ACLY: variants seen among roughly 807,000 people sequenced by gnomAD.
The protein encoded by ACLY is ATP-citrate synthase.
ACLY carries 41 observed loss-of-function variants against 133.0 expected under a neutral mutation model. That is an observed-to-expected ratio of 0.31 (90% CI 0.24 to 0.40). The LOEUF (loss-of-function observed/expected upper bound fraction) is 0.40, where lower values mean the gene tolerates loss of function less well. Ranked by LOEUF, ACLY falls within the 10% of genes least tolerant of loss-of-function variation. The pLI is 1.00. For missense variants in ACLY, 1,046 were observed against 1,453.8 expected (o/e 0.72, Z 4.56); for synonymous variants, 495 against 549.3 (o/e 0.90, Z 1.38).
At chr17:41,875,538 C>T (rs1331691525) in intron 22 of ACLY, among the ~76,000 whole-genome samples, 1 of 152,124 alleles carries the variant, frequency 6.6e-6, no homozygotes, top group Non-Finnish European at 1.5e-5. Flanking sequence ...CTGCAACCTC[C>T]CTGCCTGATT....
intron 20 of ACLY, among the ~76,000 whole-genome samples, chr17:41,879,235 A>G (rs1483544221): frequency 6.6e-6 from 1 of 151,920 alleles, no homozygotes; most frequent in Admixed American, 6.6e-5. Context: ...CCACCCGAGT[A>G]GCTAGGATTA....
At chr17:41,915,026 AC>A (rs1555634287) in intron 1 of ACLY, among the ~76,000 whole-genome samples, 2 of 152,194 alleles carry the variant, frequency 1.3e-5, no homozygotes, top group African/African-American at 4.8e-5. Flanking sequence ...CAAGGTTATG[AC>A]CCAAGACTCG....
At chr17:41,919,126 C>A, upstream of ACLY, 1 of 1,136,780 alleles carries the variant, frequency 8.8e-7, no homozygotes, top group Non-Finnish European at 1.1e-6. Context: ...GGGCGGGCCC[C>A]GGGGCCTGCT....
chr17:41,894,031 C>T (rs1555629895), intron 14 of ACLY, among the ~76,000 whole-genome samples: 5 of 151,816 alleles, frequency 3.3e-5, no homozygotes, highest in Non-Finnish European at 7.4e-5. Context: ...CTGGCCAACG[C>T]GGTGAAACGC....
At chr17:41,920,180 G>A (rs2050160022), upstream of ACLY, among the ~76,000 whole-genome samples, 1 of 152,232 alleles carries the variant, frequency 6.6e-6, no homozygotes, top group African/African-American at 2.4e-5. Flanking sequence ...GCTGCCAGGA[G>A]TAAGGTAACT....
At chr17:41,899,145 G>A (rs1229139872) in intron 11 of ACLY, among the ~76,000 whole-genome samples, 3 of 152,036 alleles carry the variant, frequency 2.0e-5, no homozygotes, top group Admixed American at 6.6e-5. Flanking sequence ...GCGTGGTGGC[G>A]TGTGCCTGTA....
chr17:41,915,465 T>C (rs1175231368), intron 1 of ACLY, among the ~76,000 whole-genome samples: 4 of 152,188 alleles, frequency 2.6e-5, no homozygotes, highest in Admixed American at 6.5e-5. Context: ...AGGGGCTACA[T>C]TGCGCCCCCT....
chr17:41,869,603 A>G lies in ACLY; in HGVS notation c.2938-16T>C. 1 of 1,596,460 alleles carries G rather than the reference A, an allele frequency of 6.3e-7. No homozygotes were observed. Among genetic ancestry groups the G allele is most frequent in the Non-Finnish European group, 8.6e-7 (1 of 1,163,912 alleles). The stretch of plus-strand genomic sequence containing the variant: ...GGTTGTTTATCTAGAAATGAACCCA[A>G]CGGTACAGAGGAACACTCACACACT... On this transcript the variant is annotated splice_polypyrimidine_tract_variant and intron_variant, in intron 25 of 28. Transcript: ENST00000352035.
chr17:41,867,715 TA>T lies in ACLY; in HGVS notation c.*94del. The stretch of plus-strand genomic sequence containing the variant: ...GGCTGTTTACATTCCAGGCCCCTGC[TA>T]AATAAAGCAGGCTCCACTGCCAGCT... On this transcript the variant is annotated 3_prime_UTR_variant, in exon 29 of 29. Coordinates refer to ENST00000352035, the MANE Select transcript of ACLY (RefSeq NM_001096.3). 1.0e-6 allele frequency: 1 copy of T among 994,694 alleles called. No homozygotes were observed. Among genetic ancestry groups the T allele is most frequent in the Non-Finnish European group, 1.5e-6 (1 of 677,680 alleles). 61.6% of individuals were successfully genotyped at this position (994,694 alleles called of 1,614,324 possible).
intron 22 of ACLY, among the ~76,000 whole-genome samples, chr17:41,874,234 C>T (rs2048671752): frequency 6.6e-6 from 1 of 152,234 alleles, no homozygotes; most frequent in Non-Finnish European, 1.5e-5. Flanking sequence ...TGAGCATTTG[C>T]TGGGCTAGGA....
intron 1 of ACLY, among the ~76,000 whole-genome samples, chr17:41,929,261 A>G (rs1555636349): frequency 6.6e-6 from 1 of 151,760 alleles, no homozygotes; most frequent in East Asian, 1.9e-4. Context: ...CACCCAGCTC[A>G]CTTTTGTATT....
At chr17:41,879,795 TGCAGCCTCAACCTCCCAG>T (rs1479653832) in intron 20 of ACLY, among the ~76,000 whole-genome samples, 1 of 150,322 alleles carries the variant, frequency 6.7e-6, no homozygotes, top group Non-Finnish European at 1.5e-5. Context: ...CTTGGCTCAC[TGCAGCCTCAACCTCCCAG>T]GCTCGGGTGA....
upstream of ACLY, chr17:41,918,997 A>C (rs1598053104): frequency 7.8e-7 from 1 of 1,285,878 alleles, no homozygotes; most frequent in African/African-American, 1.5e-5. Context: ...GCCCAGCCGG[A>C]CTTTTCCCCG....
intron 14 of ACLY, among the ~76,000 whole-genome samples, chr17:41,896,081 C>T (rs1555630262): frequency 6.6e-6 from 1 of 152,128 alleles, no homozygotes; most frequent in East Asian, 1.9e-4. Context: ...GTTCCTCCAC[C>T]ACAACCCCAG....
intron 20 of ACLY, among the ~76,000 whole-genome samples, chr17:41,881,251 G>A (rs1409601397): frequency 4.6e-5 from 7 of 151,888 alleles, no homozygotes; most frequent in African/African-American, 1.7e-4. Flanking sequence ...CCAACATGGT[G>A]AAACCCTGTC....
chr17:41,886,025 C>A, intron 18 of ACLY, 87 bp downstream of exon 18: 1 of 1,347,640 alleles, frequency 7.4e-7, no homozygotes, highest in Non-Finnish European at 1.0e-6. Context: ...AACTCAGGGG[C>A]AGCAAGCAGC....
intron 1 of ACLY, among the ~76,000 whole-genome samples, chr17:41,925,680 G>A (rs972320253): frequency 3.9e-5 from 6 of 152,042 alleles, no homozygotes; most frequent in African/African-American, 1.2e-4. Flanking sequence ...GGAGGCCAAG[G>A]AGACCCACTT....
intron 16 of ACLY, among the ~76,000 whole-genome samples, chr17:41,889,519 T>G (rs1555628841): frequency 3.1e-4 from 1 of 3,278 alleles, no homozygotes; most frequent in South Asian, 0.026. Context: ...AAAGGCTCCA[T>G]TTCACAAAAA....
At position 41,898,611 on chromosome 17, in the gene ACLY, T is replaced by C. The variant is rs372735106; in HGVS notation, c.1338+20A>G. 185 of 1,611,958 alleles carry C rather than the reference T, an allele frequency of 1.1e-4. 1 individual carries two copies. Among genetic ancestry groups the C allele is most frequent in the Middle Eastern group, 1.1e-3 (6 of 5,458 alleles). On this transcript the variant is annotated intron_variant, in intron 12 of 28. Transcript: ENST00000352035. Reference sequence around the variant, plus strand: ...ATGAGATGGTTCCTTCCTGTAAGGTTTGGGGAGGCTGGAACCTACCGATGT... The same window carrying C: ...ATGAGATGGTTCCTTCCTGTAAGGTCTGGGGAGGCTGGAACCTACCGATGT...
Sources: allele counts gnomAD v4.1 joint callset (sites outside exome capture counted in the v4.1 genomes callset), GRCh38; gene constraint gnomAD v4.1.1; transcripts MANE v1.5; gene names NCBI Gene and HGNC (gene_info 2026-07-23, HGNC 2026-07-21).